BRD8: variants seen among roughly 807,000 people sequenced by gnomAD.
BRD8 encodes bromodomain-containing protein 8.
A neutral mutation model predicts 143.1 loss-of-function variants in BRD8; 67 were observed. That is an observed-to-expected ratio of 0.47 (90% CI 0.38 to 0.57). The LOEUF (loss-of-function observed/expected upper bound fraction) is 0.57, where lower values mean the gene tolerates loss of function less well. BRD8 is among the 20% of genes least tolerant of loss of function. The probability of loss-of-function intolerance (pLI) is 0.00; values close to 1 mark genes in which losing one functional copy is unlikely to be tolerated. For synonymous variants in BRD8, 505 were observed against 517.1 expected (o/e 0.98, Z 0.32); for missense variants, 1,103 against 1,503.0 (o/e 0.73, Z 4.40).
intron 2 of BRD8, among the ~76,000 whole-genome samples, chr5:138,175,740 C>G (rs1476574797): frequency 6.7e-6 from 1 of 149,272 alleles, no homozygotes; most frequent in African/African-American, 2.5e-5. Flanking sequence ...TGGCAAAACC[C>G]CATCCCTACC....
chr5:138,140,549 G>A (rs1280331002), intron 26 of BRD8, 156 bp downstream of exon 26: 6 of 834,318 alleles, frequency 7.2e-6, no homozygotes, highest in Non-Finnish European at 9.8e-6. Context: ...CTGAGGCTCA[G>A]GGTTTTCCAA....
At chr5:138,166,146 T>C (rs1753401071) in intron 10 of BRD8, 38 bp from the exon 11 acceptor site, 5 of 1,524,036 alleles carry the variant, frequency 3.3e-6, no homozygotes, top group South Asian at 1.1e-5. Flanking sequence ...CAGAAGCTTA[T>C]TGGGTACAAA....
chr5:138,174,591 CAA>C (rs76909663), intron 2 of BRD8, among the ~76,000 whole-genome samples: 11 of 114,592 alleles, frequency 9.6e-5, no homozygotes, highest in Non-Finnish European at 9.1e-5. Flanking sequence ...GACTCCATCT[CAA>C]AAAAAAAAAA....
chr5:138,164,046 CTAATCACA>C, intron 14 of BRD8, 33 bp downstream of exon 14: 1 of 1,591,084 alleles, frequency 6.3e-7, no homozygotes, highest in Middle Eastern at 1.7e-4. Flanking sequence ...ATAGGGAAAT[CTAATCACA>C]TGGCAAGAGG....
chr5:138,165,965 C>G lies in BRD8; in HGVS notation c.1141G>C (p.Val381Leu), dbSNP rs1014020344. ...CFRSGVAEAP[V>L]GSKAPSIDGK... ...TCTATGCTGGGAGCCTTTGATCCAACAGGAGCCTCTGCTACCCCTGATCGA... is the reference window on the plus strand; with the variant it reads ...TCTATGCTGGGAGCCTTTGATCCAAGAGGAGCCTCTGCTACCCCTGATCGA... The change falls in exon 11 of 27, where the codon GTT becomes CTT. Residue 381 changes from valine to leucine, a missense_variant. Coordinates refer to ENST00000254900, the MANE Select transcript of BRD8 (RefSeq NM_139199.2). 6.2e-7 allele frequency: 1 copy of G among 1,614,206 alleles called. No homozygotes were observed.
At chr5:138,160,202 T>G in intron 18 of BRD8, 29 bp from the exon 19 acceptor site, 2 of 1,528,022 alleles carry the variant, frequency 1.3e-6, no homozygotes, top group East Asian at 4.5e-5. Context: ...GGGTAGGCCA[T>G]GGAGACCTGA....
intron 2 of BRD8, among the ~76,000 whole-genome samples, chr5:138,174,866 T>C (rs1225155323): frequency 6.6e-6 from 1 of 151,736 alleles, no homozygotes; most frequent in African/African-American, 2.4e-5. Context: ...ACTTCCTGTA[T>C]GTGTGACAAA....
intron 23 of BRD8, among the ~76,000 whole-genome samples, chr5:138,149,276 T>A: frequency 6.6e-6 from 1 of 151,698 alleles, no homozygotes; most frequent in Admixed American, 6.6e-5. Flanking sequence ...CATACCTGGC[T>A]AATTTTTTTT....
chr5:138,140,932 A>G, intron 25 of BRD8, 50 bp from the exon 26 acceptor site: 1 of 1,593,532 alleles, frequency 6.3e-7, no homozygotes, highest in Non-Finnish European at 8.6e-7. Flanking sequence ...CATGTGGAAC[A>G]TATGATAACC....
chr5:138,145,234 G>A lies in BRD8; in HGVS notation c.3380C>T (p.Pro1127Leu), dbSNP rs766738925. Residue 1127 changes from proline to leucine, a missense_variant, in exon 25 of 27, where the codon CCA (proline) becomes CTA (leucine). Physicochemically the swap from Pro to Leu is moderately conservative, Grantham distance 98. Around this residue, in one of 7 missense-constraint regions of BRD8, gnomAD observed 369 missense variants for 445.5 expected, o/e 0.83. Coordinates refer to ENST00000254900, the MANE Select transcript of BRD8 (RefSeq NM_139199.2). ...CCTTTCTGACACAGGCTTCAGAAATGGACTGCTGAACCTGTTAAGGGACAA... is the reference window on the plus strand; with the variant it reads ...CCTTTCTGACACAGGCTTCAGAAATAGACTGCTGAACCTGTTAAGGGACAA... ...KMIASHRFSS[P>L]FLKPVSERQA... The A allele has an allele frequency of 1.2e-6, 2 of 1,613,730 alleles. No homozygotes were observed. The highest frequency in any genetic ancestry group is 2.7e-5 in the African/African-American group (2 of 74,862).
intron 2 of BRD8, 142 bp downstream of exon 2, chr5:138,177,429 G>A: frequency 1.8e-6 from 1 of 547,232 alleles, no homozygotes; most frequent in Non-Finnish European, 3.3e-6. Context: ...GGCAACAGAA[G>A]GAGACTCAGT....
At position 138,169,331 on chromosome 5, in the gene BRD8, C is replaced by T. The variant is rs141690527; in HGVS notation, c.533G>A (p.Arg178Gln). The change falls in exon 8 of 27, where the codon CGG becomes CAG. Residue 178 changes from arginine to glutamine, a missense_variant. Arg to Gln is a conservative substitution (Grantham distance 43). This residue lies in a region of BRD8 where 334 missense variants were observed against 372.5 expected (regional missense o/e 0.90). Transcript: ENST00000254900. ...QARQAVKTPP[R>Q]RLPTVMVRSP... The stretch of plus-strand genomic sequence containing the variant: ...GCGAACCATCACAGTGGGTAACCTC[C>T]GGGGGGGTGTTTTTACTGCTTGACG... 17 of 1,613,578 alleles carry T rather than the reference C, an allele frequency of 1.1e-5. No homozygotes were observed. The African/African-American group carries it at 1.3e-4, about 13-fold the overall frequency.
chr5:138,164,028 G>C, intron 14 of BRD8, 59 bp downstream of exon 14: 20 of 1,541,284 alleles, frequency 1.3e-5, no homozygotes, highest in Non-Finnish European at 1.8e-5. Context: ...TCATTAAAAA[G>C]TAGTGCTATA....
At chr5:138,145,922 A>G in intron 23 of BRD8, 44 bp from the exon 24 acceptor site, 1 of 1,499,238 alleles carries the variant, frequency 6.7e-7, no homozygotes, top group Non-Finnish European at 9.3e-7. Context: ...AACTTCACAA[A>G]TAATATTCTA....
chr5:138,161,968 C>T lies in BRD8; in HGVS notation c.2180+86G>A, dbSNP rs569147398. 48 of 1,559,730 alleles carry T rather than the reference C, an allele frequency of 3.1e-5. No individual in the cohort carries two copies. The East Asian group carries it at 8.3e-4, about 27-fold the overall frequency. ...TAGTAAGAACTAATACCAGCAGTTC[C>T]ACAGAAGCCTACTCAGACTTTTTTC... On this transcript the variant is annotated intron_variant, in intron 16 of 26. Coordinates refer to ENST00000254900, the MANE Select transcript of BRD8 (RefSeq NM_139199.2).
At chr5:138,159,816 C>T (rs1752863801) in intron 19 of BRD8, among the ~76,000 whole-genome samples, 1 of 152,228 alleles carries the variant, frequency 6.6e-6, no homozygotes, top group South Asian at 2.1e-4. Flanking sequence ...ATTTCCCCCG[C>T]CTTGAGAGCA....
rs1446110414 is a variant in BRD8, at chr5:138,165,960, T to A, written c.1146A>T (p.Gly382=). 6.2e-7 allele frequency: 1 copy of A among 1,614,054 alleles called. No individual in the cohort carries two copies. Among genetic ancestry groups the A allele is most frequent in the Non-Finnish European group, 8.5e-7 (1 of 1,180,038 alleles). The part of the protein sequence containing the change: ...FRSGVAEAPV[G]SKAPSIDGKE... ...TCCCATCTATGCTGGGAGCCTTTGA[T>A]CCAACAGGAGCCTCTGCTACCCCTG... The change falls in exon 11 of 27, where the codon GGA becomes GGT. Residue 382 remains glycine (G), a synonymous_variant. Transcript: ENST00000254900.
intron 20 of BRD8, among the ~76,000 whole-genome samples, chr5:138,156,267 A>C (rs1752594892): frequency 6.6e-6 from 1 of 151,844 alleles, no homozygotes; most frequent in Admixed American, 6.6e-5. Flanking sequence ...AGCCTCTCAA[A>C]TAGCTGGGAC....
At chr5:138,154,949 C>T (rs1216550820) in intron 20 of BRD8, among the ~76,000 whole-genome samples, 1 of 151,604 alleles carries the variant, frequency 6.6e-6, no homozygotes, top group Non-Finnish European at 1.5e-5. Flanking sequence ...CCTGCCTCAG[C>T]CTCCCGCGTA....
Sources: gnomAD v4.1 joint callset for allele counts (sites outside exome capture counted in the v4.1 genomes callset) on GRCh38, gnomAD v4.1.1 for gene constraint, gnomAD v4.1.1 regional missense constraint, MANE v1.5 for transcripts, NCBI Gene and HGNC (gene_info 2026-07-23, HGNC 2026-07-21) for gene names.